SPRED2: variants seen among roughly 807,000 people sequenced by gnomAD.
SPRED2 encodes sprouty-related, EVH1 domain-containing protein 2.
SPRED2 carries 47 observed loss-of-function variants against 43.0 expected under a neutral mutation model. The ratio of observed to expected loss-of-function variants is 1.09; its 90% CI spans 0.87 to 1.40. The LOEUF is 1.40. Among genes scored for constraint, SPRED2 ranks in the 40% most tolerant of loss-of-function variants. SPRED2 has a pLI of 0.00. For synonymous variants in SPRED2, 225 were observed against 225.7 expected (o/e 1.00, Z 0.03); for missense variants, 561 against 586.4 (o/e 0.96, Z 0.45).
At position 65,313,475 on chromosome 2, in the gene SPRED2, T is replaced by C. The variant is rs1000664351; in HGVS notation, c.*26A>G. On this transcript the variant is annotated 3_prime_UTR_variant, in exon 6 of 6. Coordinates refer to ENST00000356388, the MANE Select transcript of SPRED2 (RefSeq NM_181784.3). ...AGACGAGTTCCCCTGTGGCTGCGGA[T>C]GGAGGGAGAAGGGAGGGAAACTGAG... 1.3e-6 allele frequency: 2 copies of C among 1,573,426 alleles called. No homozygotes were observed. Among genetic ancestry groups the C allele is most frequent in the African/African-American group, 1.4e-5 (1 of 73,762 alleles).
At chr2:65,320,579 G>T (rs886346030) in intron 4 of SPRED2, among the ~76,000 whole-genome samples, 1 of 152,144 alleles carries the variant, frequency 6.6e-6, no homozygotes, top group South Asian at 2.1e-4. Flanking sequence ...ACCTCGAGAG[G>T]CATGTCCACA....
At chr2:65,330,418 A>T (rs1673775944) in intron 4 of SPRED2, among the ~76,000 whole-genome samples, 1 of 152,384 alleles carries the variant, frequency 6.6e-6, no homozygotes, top group South Asian at 2.1e-4. Flanking sequence ...AGGGATCGTA[A>T]TGGTGGTGTG....
At chr2:65,362,785 G>A (rs1316227851) in intron 1 of SPRED2, among the ~76,000 whole-genome samples, 1 of 151,640 alleles carries the variant, frequency 6.6e-6, no homozygotes, top group African/African-American at 2.4e-5. Flanking sequence ...TTGAACCAGG[G>A]AGGTGAAGGT....
At chr2:65,376,035 T>G (rs1675228863) in intron 1 of SPRED2, among the ~76,000 whole-genome samples, 1 of 152,152 alleles carries the variant, frequency 6.6e-6, no homozygotes, top group Non-Finnish European at 1.5e-5. Context: ...TGCCAACAGG[T>G]AAGCAAGAGA....
chr2:65,321,504 TAAAAAAAAAA>T (rs70943644), intron 4 of SPRED2, among the ~76,000 whole-genome samples: 3 of 55,778 alleles, frequency 5.4e-5, no homozygotes, highest in African/African-American at 6.9e-5. Context: ...AGACCCTGTC[TAAAAAAAAAA>T]AAAAAAAAAA....
intron 4 of SPRED2, among the ~76,000 whole-genome samples, chr2:65,318,070 T>C (rs905812011): frequency 6.6e-5 from 10 of 152,142 alleles, no homozygotes; most frequent in Admixed American, 2.6e-4. Context: ...AAGTGAATCA[T>C]TGGGGCAAGT....
chr2:65,338,931 G>T (rs1674075693), intron 2 of SPRED2, among the ~76,000 whole-genome samples: 1 of 152,152 alleles, frequency 6.6e-6, no homozygotes, highest in South Asian at 2.1e-4. Context: ...TGAGATGTGG[G>T]GAGCGCCTCT....
chr2:65,330,410 G>C (rs568297001), intron 4 of SPRED2, among the ~76,000 whole-genome samples: 1 of 152,302 alleles, frequency 6.6e-6, no homozygotes, highest in Admixed American at 6.5e-5. Flanking sequence ...ATTTTCTAAG[G>C]GATCGTAATG....
intron 1 of SPRED2, among the ~76,000 whole-genome samples, chr2:65,346,164 C>T (rs1674343934): frequency 2.0e-5 from 3 of 152,122 alleles, no homozygotes; most frequent in South Asian, 2.1e-4. Context: ...CTGTGCCCCA[C>T]AGCCCTGCTC....
chr2:65,345,259 G>GTTGTTT lies in SPRED2; in HGVS notation c.27-364_27-363insAAACAA, dbSNP rs757675092. Among the ~76,000 whole-genome samples the GTTGTTT allele has an allele frequency of 1.8e-3, 196 of 111,362 alleles. 1 individual carries two copies. Among genetic ancestry groups the GTTGTTT allele is most frequent in the African/African-American group, 5.3e-3 (166 of 31,100 alleles). The allele number at this position is 111,362 out of a possible 152,430, so 73.1% of individuals were successfully genotyped here. ...ACACCTATTTTGGTTTTTAGTTGTT[G>GTTGTTT]TTTTTTTTTTTTTTTTTTTTTGAGA... On this transcript the variant is annotated intron_variant, in intron 1 of 5. Coordinates refer to ENST00000356388, the MANE Select transcript of SPRED2 (RefSeq NM_181784.3).
chr2:65,393,657 C>T (rs534596897), intron 1 of SPRED2, among the ~76,000 whole-genome samples: 2 of 152,184 alleles, frequency 1.3e-5, no homozygotes, highest in South Asian at 4.2e-4. Context: ...GTTGTTTTTA[C>T]ACTTTATAAT....
At position 65,328,634 on chromosome 2, in the gene SPRED2, A is replaced by G. The variant is rs530105802; in HGVS notation, c.438+3353T>C. Among the ~76,000 whole-genome samples the G allele has an allele frequency of 1.2e-4, 19 of 152,318 alleles. No individual in the cohort carries two copies. In the South Asian group the frequency reaches 3.9e-3, roughly 32 times the overall value. ...CCTTTCCTTCCCCTCCCCTTGGGCC[A>G]GTGAATGGAGACTCAAAAGAAATAT... is the stretch of plus-strand genomic sequence containing the variant. On this transcript the variant is annotated intron_variant, in intron 4 of 5. Transcript: ENST00000356388.
chr2:65,375,176 G>A (rs761541995), intron 1 of SPRED2, among the ~76,000 whole-genome samples: 9 of 152,198 alleles, frequency 5.9e-5, no homozygotes, highest in Non-Finnish European at 1.3e-4. Context: ...CCCCTGATGT[G>A]CCTCAAGCAT....
intron 1 of SPRED2, among the ~76,000 whole-genome samples, chr2:65,421,351 G>T (rs1305937987): frequency 6.6e-6 from 1 of 152,114 alleles, no homozygotes. Context: ...TTTTATTAGG[G>T]TCTGGACAAT....
chr2:65,401,937 G>GCGCGCACACACACACACACA lies in SPRED2; in HGVS notation c.26+30024_26+30025insTGTGTGTGTGTGTGTGCGCG, dbSNP rs776512353. ...ACGATCAGAATATTAGCGCGCGCGC[G>GCGCGCACACACACACACACA]CACACACACACACACACACACACAC... On this transcript the variant is annotated intron_variant, in intron 1 of 5. Transcript: ENST00000356388. 3.7e-3 allele frequency among the ~76,000 whole-genome samples: 429 copies of GCGCGCACACACACACACACA among 114,740 alleles called. 1 individual carries two copies. The highest frequency in any genetic ancestry group is 8.6e-3 in the Admixed American group (106 of 12,296). 75.3% of individuals were successfully genotyped at this position (114,740 alleles called of 152,430 possible). A position where few individuals can be genotyped will look rare whatever the true frequency, so the allele number is the denominator to read the frequency against.
rs541412600 is a variant in SPRED2, at chr2:65,392,115, T to C, written c.26+39847A>G. ...TATTTGTTAAATTTGTCTCTGATAT[T>C]GCACAAACTTATGTTTCGAAATTTA... On this transcript the variant is annotated intron_variant, in intron 1 of 5. Coordinates refer to ENST00000356388, the MANE Select transcript of SPRED2 (RefSeq NM_181784.3). 2.0e-5 allele frequency among the ~76,000 whole-genome samples: 3 copies of C among 152,100 alleles called. No individual in the cohort carries two copies. The South Asian group carries it at 6.2e-4, about 32-fold the overall frequency.
At chr2:65,426,311 C>T (rs1386883303) in intron 1 of SPRED2, among the ~76,000 whole-genome samples, 2 of 152,106 alleles carry the variant, frequency 1.3e-5, no homozygotes, top group East Asian at 3.9e-4. Flanking sequence ...TATATATACC[C>T]TAAGTTAACC....
chr2:65,404,880 C>T (rs1276856490), intron 1 of SPRED2, among the ~76,000 whole-genome samples: 1 of 152,212 alleles, frequency 6.6e-6, no homozygotes, highest in Admixed American at 6.5e-5. Context: ...CCAACAACAG[C>T]ACACCCCTGG....
downstream of SPRED2, chr2:65,308,265 T>G: frequency 1.0e-6 from 1 of 974,986 alleles, no homozygotes; most frequent in Non-Finnish European, 1.2e-6. Context: ...CAAGTGCCAC[T>G]GAGCAGGACC....
Sources: gnomAD v4.1 joint callset for allele counts (sites outside exome capture counted in the v4.1 genomes callset) on GRCh38, gnomAD v4.1.1 for gene constraint, MANE v1.5 for transcripts, NCBI Gene and HGNC (gene_info 2026-07-23, HGNC 2026-07-21) for gene names.